DRC11: variants seen among roughly 807,000 people sequenced by gnomAD.
DRC11 encodes the protein IQ and AAA domain-containing protein 1.
the DRC11 span, among the ~76,000 whole-genome samples, chr2:236,449,801 T>C: frequency 2.0e-5 from 3 of 152,310 alleles, no homozygotes; most frequent in East Asian, 3.9e-4. The surrounding 1 kb of genome is among the most constrained non-coding windows in gnomAD (Gnocchi z 5.1). Flanking sequence ...CCTCCCCAGC[T>C]AGTGTTTTGC....
the DRC11 span, chr2:236,331,721 T>C: frequency 1.4e-6 from 1 of 710,832 alleles, no homozygotes; most frequent in Non-Finnish European, 2.3e-6. The surrounding 1 kb of genome is among the most constrained non-coding windows in gnomAD (Gnocchi z 4.8). Context: ...CTCTAGCTTA[T>C]TTGTAACTCA....
the DRC11 span, among the ~76,000 whole-genome samples, chr2:236,388,431 C>G: frequency 6.6e-6 from 1 of 151,322 alleles, no homozygotes; most frequent in Non-Finnish European, 1.5e-5. Flanking sequence ...ATTGCTGATA[C>G]CCTTTCTTCC....
the DRC11 span, among the ~76,000 whole-genome samples, chr2:236,399,114 C>G: frequency 1.3e-5 from 2 of 152,006 alleles, no homozygotes; most frequent in African/African-American, 4.8e-5. The surrounding 1 kb of genome is among the most constrained non-coding windows in gnomAD (Gnocchi z 7.0). Flanking sequence ...TTCAGCCTCC[C>G]GAGTAGCTGG....
At chr2:236,425,009 C>G in the DRC11 span, among the ~76,000 whole-genome samples, 1 of 151,994 alleles carries the variant, frequency 6.6e-6, no homozygotes, top group Non-Finnish European at 1.5e-5. Flanking sequence ...TTTTTTAAAG[C>G]TGAATAGTGT....
the DRC11 span, among the ~76,000 whole-genome samples, chr2:236,496,128 T>C: frequency 1.3e-5 from 2 of 152,236 alleles, no homozygotes; most frequent in Non-Finnish European, 2.9e-5. This position sits in a 1 kb window ranked among gnomAD's most constrained non-coding sequence, Gnocchi z 6.3. Flanking sequence ...ATTGTTCATA[T>C]TGTCACTTTA....
chr2:236,378,188 G>GTA, the DRC11 span, among the ~76,000 whole-genome samples: 6 of 152,124 alleles, frequency 3.9e-5, no homozygotes, highest in Non-Finnish European at 5.9e-5. Flanking sequence ...ATTTAAAGTA[G>GTA]TATGCCCTCT....
the DRC11 span, among the ~76,000 whole-genome samples, chr2:236,356,851 T>C: frequency 2.0e-5 from 3 of 149,674 alleles, no homozygotes; most frequent in Non-Finnish European, 4.4e-5. Context: ...TTATTGCATG[T>C]TCATCATTTG....
chr2:236,351,388 A>G, the DRC11 span, among the ~76,000 whole-genome samples: 14 of 152,064 alleles, frequency 9.2e-5, no homozygotes, highest in African/African-American at 2.7e-4. The surrounding 1 kb of genome is among the most constrained non-coding windows in gnomAD (Gnocchi z 7.3). Context: ...AGATCTCCAG[A>G]AGATCAGATG....
chr2:236,432,663 T>C, the DRC11 span, among the ~76,000 whole-genome samples: 1 of 152,196 alleles, frequency 6.6e-6, no homozygotes, highest in Non-Finnish European at 1.5e-5. Flanking sequence ...GAAAGGACTC[T>C]TGTCTGTGAT....
At chr2:236,383,116 T>C in the DRC11 span, among the ~76,000 whole-genome samples, 1 of 152,212 alleles carries the variant, frequency 6.6e-6, no homozygotes, top group Non-Finnish European at 1.5e-5. Context: ...GGAGTACTGA[T>C]CTAACGTCTT....
At chr2:236,316,273 C>A in the DRC11 span, among the ~76,000 whole-genome samples, 1 of 152,086 alleles carries the variant, frequency 6.6e-6, no homozygotes, top group Non-Finnish European at 1.5e-5. The surrounding 1 kb of genome is among the most constrained non-coding windows in gnomAD (Gnocchi z 6.8). Context: ...AGTGATTCTC[C>A]TGCCTCAGCC....
At chr2:236,468,688 A>G in the DRC11 span, among the ~76,000 whole-genome samples, 2 of 152,336 alleles carry the variant, frequency 1.3e-5, no homozygotes, top group East Asian at 1.9e-4. Context: ...TAAGTGTGTA[A>G]GACAGAAGCA....
chr2:236,407,422 A>G, the DRC11 span, among the ~76,000 whole-genome samples: 1 of 152,160 alleles, frequency 6.6e-6, no homozygotes, highest in South Asian at 2.1e-4. Context: ...ATGGGCCCTC[A>G]GCTCTCTGGC....
At chr2:236,370,904 C>T in the DRC11 span, among the ~76,000 whole-genome samples, 1 of 152,068 alleles carries the variant, frequency 6.6e-6, no homozygotes, top group African/African-American at 2.4e-5. The surrounding 1 kb of genome is among the most constrained non-coding windows in gnomAD (Gnocchi z 5.5). Context: ...CTCTGTTCCT[C>T]CCCTTGTCTC....
the DRC11 span, chr2:236,497,076 T>C: frequency 3.9e-6 from 4 of 1,035,262 alleles, no homozygotes; most frequent in Non-Finnish European, 4.2e-6. This position sits in a 1 kb window ranked among gnomAD's most constrained non-coding sequence, Gnocchi z 5.1. Context: ...GGACAGGAAG[T>C]CTGTAGAGTA....
chr2:236,491,986 C>T, the DRC11 span, among the ~76,000 whole-genome samples: 12 of 152,246 alleles, frequency 7.9e-5, no homozygotes, highest in South Asian at 2.1e-4. Flanking sequence ...ATACTGTTAT[C>T]GGGGGAATAG....
the DRC11 span, chr2:236,344,578 T>A: frequency 1.4e-5 from 23 of 1,613,402 alleles, no homozygotes; most frequent in Middle Eastern, 1.6e-4. Flanking sequence ...CGTTGGGAAC[T>A]TTTTTGTAGA....
the DRC11 span, among the ~76,000 whole-genome samples, chr2:236,387,276 C>T: frequency 2.0e-5 from 3 of 150,868 alleles, no homozygotes; most frequent in Non-Finnish European, 4.4e-5. Flanking sequence ...TAAAGTCTCC[C>T]ATTATTAATG....
the DRC11 span, chr2:236,408,673 A>T: frequency 2.8e-6 from 2 of 721,164 alleles, no homozygotes; most frequent in Admixed American, 3.7e-5. This position sits in a 1 kb window ranked among gnomAD's most constrained non-coding sequence, Gnocchi z 5.5. Flanking sequence ...CATTTCTTGC[A>T]GTAATTGGTA....
Sources: allele counts gnomAD v4.1 joint callset (sites outside exome capture counted in the v4.1 genomes callset), GRCh38; gene constraint gnomAD v4.1.1; non-coding constraint Gnocchi (gnomAD v3.1); transcripts MANE v1.5; gene names NCBI Gene and HGNC (gene_info 2026-07-23, HGNC 2026-07-21).